The following FAM3B variants were observed in gnomAD, a reference collection of about 807,000 sequenced individuals.
FAM3B encodes FAM3 metabolism regulating signaling molecule B, also known as protein FAM3B.
A neutral mutation model predicts 28.4 loss-of-function variants in FAM3B; 29 were observed. The observed-to-expected ratio is 1.02, with a 90% CI of 0.76 to 1.39. The LOEUF (loss-of-function observed/expected upper bound fraction) is 1.39, where lower values mean the gene tolerates loss of function less well. Among genes scored for constraint, FAM3B ranks in the 40% most tolerant of loss-of-function variants. FAM3B has a pLI of 0.00. For synonymous variants in FAM3B, 91 were observed against 103.0 expected (o/e 0.88, Z 0.71); for missense variants, 266 against 293.9 (o/e 0.91, Z 0.69).
Position 41,348,646 on chromosome 21 carries a change from G to T in FAM3B, c.540G>T (p.Arg180Ser). 1.9e-6 allele frequency: 3 copies of T among 1,614,206 alleles called. No individual in the cohort carries two copies. Among genetic ancestry groups the T allele is most frequent in the Non-Finnish European group, 1.7e-6 (2 of 1,180,038 alleles). ...AAGCACTTGGAAGTAAAGAAATCAG[G>T]AACATGAAATTCAGGTCTAGCTGGG... ...AIEALGSKEI[R>S]NMKFRSSWVF... The change falls in exon 7 of 8, where the codon AGG (arginine) becomes AGT (serine). Residue 180 changes from arginine (R) to serine (S), a missense_variant. Arg to Ser is a moderately radical substitution (Grantham distance 110). Transcript: ENST00000357985.
upstream of FAM3B, among the ~76,000 whole-genome samples, chr21:41,315,290 A>G (rs2123687825): frequency 6.6e-6 from 1 of 152,266 alleles, no homozygotes; most frequent in African/African-American, 2.4e-5. Flanking sequence ...GCAAGGGTAA[A>G]TGGTGAGTTG....
At chr21:41,338,925 A>G (rs1472204860) in intron 3 of FAM3B, among the ~76,000 whole-genome samples, 3 of 152,204 alleles carry the variant, frequency 2.0e-5, no homozygotes, top group Non-Finnish European at 4.4e-5. Flanking sequence ...GAACAAAGTT[A>G]GACTACTTTA....
At chr21:41,348,886 T>A (rs1435285500) in intron 7 of FAM3B, among the ~76,000 whole-genome samples, 162 bp downstream of exon 7, 1 of 152,226 alleles carries the variant, frequency 6.6e-6, no homozygotes, top group Non-Finnish European at 1.5e-5. Context: ...TTCAAACTTC[T>A]CCAATCTCTT....
Position 41,325,670 on chromosome 21 carries a change from C to T in FAM3B, c.163+2604C>T, listed in dbSNP as rs139880331. ...CAAATTTGATCATCCTGGAACTAAA[C>T]GGTCACTATGGTTTCTTTTAAATCT... is the stretch of plus-strand genomic sequence containing the variant. On this transcript the variant is annotated intron_variant, in intron 2 of 7. Transcript: ENST00000357985. Among the ~76,000 whole-genome samples, 55 of 152,292 alleles carry T rather than the reference C, an allele frequency of 3.6e-4. 1 individual carries two copies. The South Asian group carries it at 5.6e-3, about 15-fold the overall frequency.
chr21:41,305,214 A>G (rs1320657433), intron 1 of FAM3B, among the ~76,000 whole-genome samples: 1 of 152,132 alleles, frequency 6.6e-6, no homozygotes, highest in East Asian at 1.9e-4. Flanking sequence ...AGCACTTTAC[A>G]GGGAGATAGA....
At chr21:41,341,648 G>A (rs928482484) in intron 3 of FAM3B, among the ~76,000 whole-genome samples, 4 of 152,170 alleles carry the variant, frequency 2.6e-5, no homozygotes, top group African/African-American at 7.2e-5. Context: ...TATCCTTCAC[G>A]TTGGATGTAG....
At chr21:41,335,346 G>T (rs933296952) in intron 2 of FAM3B, among the ~76,000 whole-genome samples, 3 of 152,210 alleles carry the variant, frequency 2.0e-5, no homozygotes, top group African/African-American at 2.4e-5. Flanking sequence ...GTCAAATTTT[G>T]CTCCCTGTTG....
At chr21:41,313,327 T>C (rs2088726312), upstream of FAM3B, among the ~76,000 whole-genome samples, 2 of 152,246 alleles carry the variant, frequency 1.3e-5, no homozygotes, top group Admixed American at 6.5e-5. Context: ...ACAAAGAACT[T>C]TCTGTTGCTC....
At chr21:41,328,635 G>A (rs576754421) in intron 2 of FAM3B, among the ~76,000 whole-genome samples, 7 of 152,196 alleles carry the variant, frequency 4.6e-5, no homozygotes, top group Non-Finnish European at 8.8e-5. Context: ...GAGCCACTGC[G>A]CCCGGCTGAG....
At chr21:41,307,681 T>C (rs1008545178) in intron 1 of FAM3B, among the ~76,000 whole-genome samples, 2 of 152,144 alleles carry the variant, frequency 1.3e-5, no homozygotes, top group African/African-American at 2.4e-5. Flanking sequence ...GGGAACAGGC[T>C]CAAGGAGAGG....
intron 7 of FAM3B, among the ~76,000 whole-genome samples, chr21:41,355,660 C>T (rs1272851588): frequency 3.9e-5 from 6 of 152,020 alleles, no homozygotes; most frequent in African/African-American, 7.2e-5. Flanking sequence ...AAAGGAGATT[C>T]GTGTCTGCCT....
rs60988519 is a variant in FAM3B at position 41,345,631 on chromosome 21, A to G, written c.347-55A>G. On this transcript the variant is annotated intron_variant, in intron 4 of 7. Coordinates refer to ENST00000357985, the MANE Select transcript of FAM3B (RefSeq NM_058186.4). ...TCCTTCCCCAGGCCCTGGTGCCACA[A>G]GTGCGCCCTAGTTCTGTGAACTTTC... The G allele has an allele frequency of 9.2e-3, 9,837 of 1,069,934 alleles. 624 individuals carry two copies. In the African/African-American group the frequency reaches 0.14, roughly 15 times the overall value. The allele number at this position is 1,069,934 out of a possible 1,614,324, so 66.3% of individuals were successfully genotyped here.
intron 2 of FAM3B, among the ~76,000 whole-genome samples, chr21:41,323,560 C>T (rs941319740): frequency 4.6e-5 from 7 of 152,214 alleles, no homozygotes; most frequent in African/African-American, 9.6e-5. Context: ...CTCTGTAGGG[C>T]GGCTGCTTTC....
At chr21:41,327,344 T>C (rs907881411) in intron 2 of FAM3B, among the ~76,000 whole-genome samples, 1 of 152,256 alleles carries the variant, frequency 6.6e-6, no homozygotes, top group African/African-American at 2.4e-5. Flanking sequence ...GAATTTAGGC[T>C]TAACTTCTCT....
chr21:41,330,711 G>A lies in FAM3B; in HGVS notation c.163+7645G>A, dbSNP rs899338479. 1.1e-4 allele frequency among the ~76,000 whole-genome samples: 16 copies of A among 152,238 alleles called. No homozygotes were observed. The East Asian group carries it at 2.1e-3, about 20-fold the overall frequency. On this transcript the variant is annotated intron_variant, in intron 2 of 7. Coordinates refer to ENST00000357985, the MANE Select transcript of FAM3B (RefSeq NM_058186.4). The stretch of plus-strand genomic sequence containing the variant: ...GTGGTAGTTGTCTTTCTGTGGGTGC[G>A]TTATTTCTGTTAGCATACTGTCCTC...
intron 2 of FAM3B, among the ~76,000 whole-genome samples, chr21:41,332,590 T>C (rs1249851526): frequency 1.3e-5 from 2 of 152,178 alleles, no homozygotes; most frequent in African/African-American, 4.8e-5. Context: ...GAGTTTGAAA[T>C]TGATTGGTAT....
chr21:41,347,706 T>C (rs1025717657), intron 6 of FAM3B, among the ~76,000 whole-genome samples: 7 of 147,234 alleles, frequency 4.8e-5, no homozygotes, highest in African/African-American at 1.8e-4. Flanking sequence ...TGAGCCAAGA[T>C]TGCACCACTG....
rs542677409 is a variant in FAM3B, at chr21:41,318,689, T to C, written c.19+1791T>C. ...CATGGTGAGGTGATCTGAATACATA[T>C]TGGTAAGACAGCAGTGAAAACAGCT... is the stretch of plus-strand genomic sequence containing the variant. On this transcript the variant is annotated intron_variant, in intron 1 of 7. Transcript: ENST00000357985. Among the ~76,000 whole-genome samples the C allele has an allele frequency of 3.3e-5, 5 of 152,236 alleles. No homozygotes were observed. The South Asian group carries it at 8.3e-4, about 25-fold the overall frequency.
intron 3 of FAM3B, 121 bp from the exon 4 acceptor site, chr21:41,344,353 CAG>C: frequency 1.2e-6 from 1 of 852,488 alleles, no homozygotes; most frequent in African/African-American, 1.7e-5. Flanking sequence ...AAGGCGAATG[CAG>C]ACTTTCAAGG....
Sources: gnomAD v4.1 joint callset for allele counts (sites outside exome capture counted in the v4.1 genomes callset) on GRCh38, gnomAD v4.1.1 for gene constraint, MANE v1.5 for transcripts, NCBI Gene and HGNC (gene_info 2026-07-23, HGNC 2026-07-21) for gene names.